KIDINS220: variants seen among roughly 807,000 people sequenced by gnomAD.
KIDINS220 encodes the protein kinase D interacting substrate 220.
KIDINS220 carries 63 observed loss-of-function variants against 157.6 expected under a neutral mutation model. That is an observed-to-expected ratio of 0.40 (90% CI 0.33 to 0.49). KIDINS220 has a LOEUF of 0.49. Among genes scored for constraint, KIDINS220 ranks in the 20% least tolerant of loss-of-function variants. KIDINS220 has a pLI of 0.66. For missense variants in KIDINS220, 1,772 were observed against 2,171.2 expected, an observed-to-expected ratio of 0.82 and a Z score of 3.65; for synonymous variants, 732 against 783.6, an observed-to-expected ratio of 0.93 and a Z score of 1.10.
At chr2:8,736,703 A>G (rs1212211986) in intron 27 of KIDINS220, among the ~76,000 whole-genome samples, 165 bp downstream of exon 27, 3 of 152,214 alleles carry the variant, frequency 2.0e-5, no homozygotes, top group Admixed American at 6.5e-5. Context: ...AAACAGGGCA[A>G]TTTTAGAATA....
At chr2:8,751,864 C>T (rs1667407460) in intron 22 of KIDINS220, among the ~76,000 whole-genome samples, 1 of 151,944 alleles carries the variant, frequency 6.6e-6, no homozygotes, top group Non-Finnish European at 1.5e-5. Flanking sequence ...ACTACCATGC[C>T]CAGCTAATTT....
intron 23 of KIDINS220, 86 bp downstream of exon 23, chr2:8,751,380 G>C: frequency 8.6e-7 from 1 of 1,160,426 alleles, no homozygotes; most frequent in Non-Finnish European, 1.2e-6. Context: ...TTTTCATAGA[G>C]CAGGAGAAAT....
Position 8,762,618 on chromosome 2 carries a change from AG to A in KIDINS220, c.3011+8051del, listed in dbSNP as rs555419976. 2.0e-5 allele frequency among the ~76,000 whole-genome samples: 3 copies of A among 152,220 alleles called. No individual in the cohort carries two copies. In the South Asian group the frequency reaches 6.2e-4, roughly 32 times the overall value. ...GCCGGGCATGGTGGTGGGCGCCTGT[AG>A]TCCCAGTTACTCAGGAGGCTGAGGC... On this transcript the variant is annotated intron_variant, in intron 22 of 29. Coordinates refer to ENST00000256707, the MANE Select transcript of KIDINS220 (RefSeq NM_020738.4).
downstream of KIDINS220, chr2:8,727,252 C>T (rs901236084): frequency 2.8e-6 from 3 of 1,081,138 alleles, no homozygotes; most frequent in Middle Eastern, 4.4e-4. Flanking sequence ...CCCTTCCGCC[C>T]AGTGTCGGCG....
rs769639699 is a variant in KIDINS220 at position 8,733,528 on chromosome 2, G to A, written c.3969C>T (p.Pro1323=). ...LPHTELSSQT[P]YTLNFSFEEL... ...CTTCGAAGCTGAAGTTGAGTGTGTA[G>A]GGCGTCTGGCTGGAGAGCTCGGTGT... The change falls in exon 29 of 30, where the codon CCC becomes CCT. Residue 1323 remains proline (P), a synonymous_variant. Coordinates refer to ENST00000256707, the MANE Select transcript of KIDINS220 (RefSeq NM_020738.4). 18 of 1,614,040 alleles carry A rather than the reference G, an allele frequency of 1.1e-5. No homozygotes were observed. The African/African-American group carries it at 2.1e-4, about 19-fold the overall frequency.
At chr2:8,814,015 CAG>C (rs1306832224) in intron 4 of KIDINS220, among the ~76,000 whole-genome samples, 2 of 152,214 alleles carry the variant, frequency 1.3e-5, no homozygotes, top group Non-Finnish European at 2.9e-5. Context: ...AAACTTTATT[CAG>C]AGAGAGATTC....
At chr2:8,741,774 C>G (rs1665660428) in intron 26 of KIDINS220, among the ~76,000 whole-genome samples, 1 of 152,174 alleles carries the variant, frequency 6.6e-6, no homozygotes, top group Non-Finnish European at 1.5e-5. Flanking sequence ...GAGTTGAAGT[C>G]TGGCACAAAG....
intron 26 of KIDINS220, among the ~76,000 whole-genome samples, chr2:8,737,649 G>C (rs146734589): frequency 6.6e-6 from 1 of 152,324 alleles, no homozygotes; most frequent in East Asian, 1.9e-4. Flanking sequence ...TAAAAGGAAA[G>C]TCAAAATAAT....
rs1224245621 is a variant in KIDINS220 at position 8,731,234 on chromosome 2, T to C, written c.4802A>G (p.Asn1601Ser). 1.9e-6 allele frequency: 3 copies of C among 1,614,062 alleles called. No individual in the cohort carries two copies. Among genetic ancestry groups the C allele is most frequent in the African/African-American group, 1.3e-5 (1 of 74,936 alleles). Residue 1601 changes from asparagine (N) to serine (S), a missense_variant, in exon 30 of 30, where the codon AAT becomes AGT. Asn to Ser is a conservative substitution (Grantham distance 46). Around this residue, in one of 3 missense-constraint regions of KIDINS220, gnomAD observed 793 missense variants for 885.5 expected, o/e 0.90. Coordinates refer to ENST00000256707, the MANE Select transcript of KIDINS220 (RefSeq NM_020738.4). The surrounding 1 kb of genome is among the most constrained non-coding windows in gnomAD (Gnocchi z 5.2). ...SESSPNHSLHNEVADDSQLEK... is the reference protein window; with the variant it reads ...SESSPNHSLHSEVADDSQLEK... ...AAGCTGGGAGTCATCCGCCACTTCA[T>C]TGTGCAGAGAGTGATTGGGAGAACT... is the stretch of plus-strand genomic sequence containing the variant.
chr2:8,835,117 G>A (rs1304461975), intron 1 of KIDINS220, among the ~76,000 whole-genome samples: 3 of 152,210 alleles, frequency 2.0e-5, no homozygotes, highest in African/African-American at 7.2e-5. Context: ...CCAAAGCACT[G>A]AGATTACAGG....
intron 17 of KIDINS220, 96 bp downstream of exon 17, chr2:8,785,645 T>C: frequency 6.0e-6 from 6 of 1,000,062 alleles, no homozygotes; most frequent in Non-Finnish European, 9.0e-6. Context: ...TGCAACACTT[T>C]AACATTTAGA....
At chr2:8,771,144 C>G (rs1670166810) in intron 21 of KIDINS220, among the ~76,000 whole-genome samples, 1 of 152,122 alleles carries the variant, frequency 6.6e-6, no homozygotes, top group African/African-American at 2.4e-5. Context: ...CAGTTCAACG[C>G]CACCCACGAT....
At chr2:8,799,273 A>T in intron 9 of KIDINS220, among the ~76,000 whole-genome samples, 1 of 146,824 alleles carries the variant, frequency 6.8e-6, no homozygotes, top group South Asian at 2.2e-4. Flanking sequence ...TTCCTTTTCT[A>T]TTTTTTTTTT....
rs556837190 is a variant in KIDINS220, at chr2:8,731,338, G to A, written c.4698C>T (p.Phe1566=). The A allele has an allele frequency of 9.9e-6, 16 of 1,614,222 alleles. No individual in the cohort carries two copies. The African/African-American group carries it at 1.2e-4, about 12-fold the overall frequency. The change falls in exon 30 of 30, where the codon TTC becomes TTT. Residue 1566 remains phenylalanine, a synonymous_variant. Transcript: ENST00000256707. This position sits in a 1 kb window ranked among gnomAD's most constrained non-coding sequence, Gnocchi z 5.2. ...CCGATAAATACTCTTTGGCTTTAAT[G>A]AAGGTTCTGATCGGCTCAGCACTGT... ...PEHSAEPIRT[F]IKAKEYLSDA...
At chr2:8,744,020 T>G (rs964135437) in intron 26 of KIDINS220, among the ~76,000 whole-genome samples, 1 of 149,748 alleles carries the variant, frequency 6.7e-6, no homozygotes, top group African/African-American at 2.4e-5. Context: ...TATAGATATA[T>G]CCAACTGTTT....
At chr2:8,744,428 A>ATATATATATATATATATATATATC in intron 26 of KIDINS220, among the ~76,000 whole-genome samples, 1 of 100,198 alleles carries the variant, frequency 1.0e-5, no homozygotes, top group Non-Finnish European at 2.0e-5. Context: ...ATATATATAT[A>ATATATATATATATATATATATATC]TATATATATA....
chr2:8,778,688 C>A lies in KIDINS220; in HGVS notation c.2654G>T (p.Ser885Ile), dbSNP rs1434845660. 2 of 1,614,118 alleles carry A rather than the reference C, an allele frequency of 1.2e-6. No individual in the cohort carries two copies. The highest frequency in any genetic ancestry group is 8.5e-7 in the Non-Finnish European group (1 of 1,180,000). Residue 885 changes from serine (S) to isoleucine (I), a missense_variant, in exon 20 of 30, where the codon AGC (serine) becomes ATC (isoleucine). Around this residue, in one of 3 missense-constraint regions of KIDINS220, gnomAD observed 725 missense variants for 1,017.1 expected, o/e 0.71. Transcript: ENST00000256707. ...ACCAAGTTTTGTCATCTCCCCAAGG[C>A]TGTTCTGTGAAACTCTTCTGTCAGC... ...EDADRRVSQN[S>I]LGEMTKLGSK...
Position 8,770,695 on chromosome 2 carries a change from T to C in KIDINS220, c.2986A>G (p.Met996Val). Reference sequence around the variant, plus strand: ...CTTTCGTAGATGGTTTTTAATGTCATTTGATCTGGAATACCTTCAGTCTCT... The same window carrying C: ...CTTTCGTAGATGGTTTTTAATGTCACTTGATCTGGAATACCTTCAGTCTCT... ...LEETEGIPDQMTLKTIYERIS... is the reference protein window; with the variant it reads ...LEETEGIPDQVTLKTIYERIS... The change falls in exon 22 of 30, where the codon ATG becomes GTG. Residue 996 changes from methionine (M) to valine (V), a missense_variant. Physicochemically the swap from Met to Val is conservative, Grantham distance 21. Coordinates refer to ENST00000256707, the MANE Select transcript of KIDINS220 (RefSeq NM_020738.4). The C allele has an allele frequency of 1.2e-6, 2 of 1,606,192 alleles. No homozygotes were observed. Among genetic ancestry groups the C allele is most frequent in the Non-Finnish European group, 1.7e-6 (2 of 1,175,738 alleles).
At chr2:8,727,841 T>C (rs1034397378), downstream of KIDINS220, among the ~76,000 whole-genome samples, 4 of 152,232 alleles carry the variant, frequency 2.6e-5, no homozygotes, top group East Asian at 3.8e-4. Context: ...TTTCCCAGTG[T>C]TGGAGAGCTG....
Sources: gnomAD v4.1 joint callset for allele counts (sites outside exome capture counted in the v4.1 genomes callset) on GRCh38, gnomAD v4.1.1 for gene constraint, gnomAD v4.1.1 regional missense constraint, Gnocchi (gnomAD v3.1) non-coding constraint, MANE v1.5 for transcripts, NCBI Gene and HGNC (gene_info 2026-07-23, HGNC 2026-07-21) for gene names.